JPH2: variants seen among roughly 807,000 people sequenced by gnomAD.
The protein encoded by JPH2 is junctophilin 2, also known as junctophilin-2.
Under a neutral mutation model 55.9 loss-of-function variants are expected in JPH2, and 38 were observed. The ratio of observed to expected loss-of-function variants is 0.68; its 90% CI spans 0.52 to 0.89. The LOEUF is 0.89. JPH2 is among the 40% of genes least tolerant of loss of function. The pLI, the probability that JPH2 is intolerant of heterozygous loss-of-function variation, is 0.00. For synonymous variants in JPH2, 480 were observed against 472.4 expected (o/e 1.02, Z -0.21); for missense variants, 964 against 1,037.6 (o/e 0.93, Z 0.97).
intron 1 of JPH2, among the ~76,000 whole-genome samples, chr20:44,172,922 A>T (rs1480887005): frequency 6.6e-6 from 1 of 152,196 alleles, no homozygotes; most frequent in African/African-American, 2.4e-5. Context: ...GAGCTTGGAG[A>T]TTAAAACCGC....
intron 2 of JPH2, among the ~76,000 whole-genome samples, chr20:44,157,125 G>T (rs556063524): frequency 1.3e-5 from 2 of 152,168 alleles, no homozygotes; most frequent in South Asian, 4.2e-4. Flanking sequence ...GCCATGTCTG[G>T]TGTCCGACAC....
intron 1 of JPH2, among the ~76,000 whole-genome samples, chr20:44,178,285 A>G (rs1316874684): frequency 2.0e-5 from 3 of 152,286 alleles, no homozygotes. Flanking sequence ...ATACAAAAAT[A>G]GTTGTATTTC....
chr20:44,123,998 T>G (rs1365769942), intron 2 of JPH2, among the ~76,000 whole-genome samples: 1 of 152,100 alleles, frequency 6.6e-6, no homozygotes, highest in Non-Finnish European at 1.5e-5. Context: ...GATCCATGCC[T>G]CTGGGTGAGG....
rs531877510 is a variant in JPH2, at chr20:44,116,295, C to T, written c.1380G>A (p.Ala460=). The T allele has an allele frequency of 7.7e-4, 1,185 of 1,539,352 alleles. 1 individual carries two copies. Among genetic ancestry groups the T allele is most frequent in the Non-Finnish European group, 9.7e-4 (1,111 of 1,145,070 alleles). ...LEPPDRGAGA[A]GLPQPPRESP... Reference sequence around the variant, plus strand: ...TCTCGCGGGGCGGCTGTGGGAGGCCCGCTGCGCCGGCGCCCCGGTCGGGGG... The same window carrying T: ...TCTCGCGGGGCGGCTGTGGGAGGCCTGCTGCGCCGGCGCCCCGGTCGGGGG... Residue 460 remains alanine (A), a synonymous_variant, in exon 4 of 6, where the codon GCG becomes GCA. Transcript: ENST00000372980.
chr20:44,182,936 A>G (rs937184171), intron 1 of JPH2, among the ~76,000 whole-genome samples: 2 of 152,168 alleles, frequency 1.3e-5, no homozygotes, highest in Non-Finnish European at 2.9e-5. Context: ...TTTTAGACAC[A>G]TTGGGAGATG....
intron 2 of JPH2, among the ~76,000 whole-genome samples, chr20:44,122,605 T>TA (rs2072245189): frequency 6.6e-6 from 1 of 152,196 alleles, no homozygotes; most frequent in South Asian, 2.1e-4. Flanking sequence ...TGCATGGCTT[T>TA]ACCTCTCTGT....
At chr20:44,173,229 G>A (rs887977355) in intron 1 of JPH2, among the ~76,000 whole-genome samples, 6 of 152,070 alleles carry the variant, frequency 3.9e-5, no homozygotes, top group East Asian at 3.9e-4. Context: ...CCTCCCCAGC[G>A]ACTCCTATAG....
chr20:44,185,420 T>C (rs1379931636), intron 1 of JPH2, among the ~76,000 whole-genome samples: 1 of 151,924 alleles, frequency 6.6e-6, no homozygotes, highest in Non-Finnish European at 1.5e-5. Flanking sequence ...GCTCCGAAGT[T>C]TGAGACCAGT....
At chr20:44,115,575 A>G (rs1182285632) in intron 4 of JPH2, 90 bp downstream of exon 4, 1 of 1,558,630 alleles carries the variant, frequency 6.4e-7, no homozygotes, top group Admixed American at 1.7e-5. Context: ...CACCCCAGCA[A>G]CCCCCAAATC....
intron 2 of JPH2, among the ~76,000 whole-genome samples, chr20:44,149,209 G>T (rs1335023659): frequency 1.3e-5 from 2 of 151,692 alleles, no homozygotes; most frequent in African/African-American, 2.4e-5. Flanking sequence ...CCACCCCAGT[G>T]GCTCTGCCAT....
intron 1 of JPH2, among the ~76,000 whole-genome samples, chr20:44,170,642 C>G (rs146542281): frequency 6.6e-6 from 1 of 152,316 alleles, no homozygotes; most frequent in African/African-American, 2.4e-5. Context: ...TAGCTTGGCT[C>G]TAACCCACCT....
At chr20:44,145,089 G>T (rs1167555208) in intron 2 of JPH2, among the ~76,000 whole-genome samples, 1 of 152,136 alleles carries the variant, frequency 6.6e-6, no homozygotes, top group Non-Finnish European at 1.5e-5. Context: ...ACTGACCCTG[G>T]GGCAGCCACT....
intron 2 of JPH2, among the ~76,000 whole-genome samples, chr20:44,120,746 A>G (rs76077792): frequency 6.6e-6 from 1 of 152,230 alleles, no homozygotes; most frequent in African/African-American, 2.4e-5. Flanking sequence ...CTTAAAAAAA[A>G]CAAATCACAA....
intron 1 of JPH2, among the ~76,000 whole-genome samples, chr20:44,171,896 A>T (rs2072701932): frequency 6.6e-6 from 1 of 152,202 alleles, no homozygotes; most frequent in Non-Finnish European, 1.5e-5. Flanking sequence ...GGGGGCAGGG[A>T]CAGGTCTGAC....
chr20:44,169,755 G>A (rs183274224), intron 1 of JPH2, among the ~76,000 whole-genome samples: 125 of 152,246 alleles, frequency 8.2e-4, no homozygotes, highest in African/African-American at 2.9e-3. Context: ...CCCCAATGTG[G>A]CAGTATTGAG....
chr20:44,156,832 T>C (rs932037337), intron 2 of JPH2, among the ~76,000 whole-genome samples: 12 of 152,202 alleles, frequency 7.9e-5, no homozygotes, highest in African/African-American at 2.4e-4. Flanking sequence ...ATTCAAACTA[T>C]AGTTGCCTCT....
intron 3 of JPH2, among the ~76,000 whole-genome samples, chr20:44,116,825 C>T (rs2072196737): frequency 6.6e-6 from 1 of 152,240 alleles, no homozygotes; most frequent in South Asian, 2.1e-4. Flanking sequence ...CTCAGGGCCC[C>T]GCACCGGCAT....
intron 1 of JPH2, among the ~76,000 whole-genome samples, chr20:44,182,171 C>A (rs2072789469): frequency 6.6e-6 from 1 of 152,148 alleles, no homozygotes; most frequent in Non-Finnish European, 1.5e-5. Flanking sequence ...TGACTCCCAG[C>A]CGTTCCTAAT....
chr20:44,163,164 G>A (rs921739053), intron 1 of JPH2, among the ~76,000 whole-genome samples: 2 of 152,028 alleles, frequency 1.3e-5, no homozygotes, highest in Non-Finnish European at 2.9e-5. Flanking sequence ...TTTGTTCTTG[G>A]ATGGATTCCA....
Sources: gnomAD v4.1 joint callset for allele counts (sites outside exome capture counted in the v4.1 genomes callset) on GRCh38, gnomAD v4.1.1 for gene constraint, MANE v1.5 for transcripts, NCBI Gene and HGNC (gene_info 2026-07-23, HGNC 2026-07-21) for gene names.